The following NBPF9 variants were observed in gnomAD, a reference collection of about 807,000 sequenced individuals.
NBPF9 encodes the protein NBPF family member NBPF9.
A neutral mutation model predicts 97.8 loss-of-function variants in NBPF9; 91 were observed. That is an observed-to-expected ratio of 0.93 (90% CI 0.79 to 1.11). NBPF9 has a LOEUF of 1.11. Ranked by LOEUF, NBPF9 falls within the 50% of genes least tolerant of loss-of-function variation. NBPF9 has a pLI of 0.00. For missense variants in NBPF9, 992 were observed against 939.5 expected (o/e 1.06, Z -0.73); for synonymous variants, 334 against 359.5 (o/e 0.93, Z 0.80).
chr1:149,079,376 A>G (rs1328934370), intron 8 of NBPF9, among the ~76,000 whole-genome samples, 155 bp from the exon 9 acceptor site: 1 of 151,860 alleles, frequency 6.6e-6, no homozygotes, highest in Admixed American at 6.6e-5. Flanking sequence ...AAGAGAAAGA[A>G]TAGAAAATGG....
intron 4 of NBPF9, among the ~76,000 whole-genome samples, chr1:149,096,690 C>T (rs1352474437): frequency 3.2e-5 from 1 of 31,236 alleles, no homozygotes; most frequent in Non-Finnish European, 6.2e-5. Context: ...GGGGTGCCCC[C>T]GGAACACAGA....
chr1:149,094,868 A>G (rs2152923887), intron 4 of NBPF9, among the ~76,000 whole-genome samples: 1 of 145,172 alleles, frequency 6.9e-6, no homozygotes, highest in South Asian at 2.2e-4. Context: ...GGGGACAGCA[A>G]GTGGGAGGAG....
chr1:149,080,656 A>G (rs1451160540), intron 7 of NBPF9, among the ~76,000 whole-genome samples: 2 of 150,354 alleles, frequency 1.3e-5, no homozygotes, highest in African/African-American at 4.9e-5. Flanking sequence ...TTTAAGAATC[A>G]TATCTGAAGC....
rs1202230069 is a variant in NBPF9, at chr1:149,103,402, G to C, written c.-944C>G. On this transcript the variant is annotated 5_prime_UTR_variant, in exon 1 of 30. Coordinates refer to ENST00000584027, the Ensembl canonical transcript of NBPF9. ...CCGCTCCTGGCGCCACAGGTCGCCC[G>C]TCCCGCGTTCCCAAAAGCACCGCGT... 1.3e-4 allele frequency: 20 copies of C among 152,236 alleles called. 1 individual carries two copies. Among genetic ancestry groups the C allele is most frequent in the Admixed American group, 1.3e-3 (20 of 15,284 alleles). 9.4% of individuals were successfully genotyped at this position (152,236 alleles called of 1,614,324 possible). A position where few individuals can be genotyped will look rare whatever the true frequency, so the allele number is the denominator to read the frequency against.
At chr1:149,075,126 G>C (rs1404453007) in intron 12 of NBPF9, among the ~76,000 whole-genome samples, 10 of 151,476 alleles carry the variant, frequency 6.6e-5, no homozygotes, top group Non-Finnish European at 1.2e-4. Context: ...CCCTGCTCTT[G>C]ATGCTGTCAT....
In NBPF9 at chr1:149,077,189, C is replaced by A. The variant is rs587745030; in HGVS notation, c.778+19G>T. The A allele has an allele frequency of 7.4e-7, 1 of 1,343,732 alleles. No homozygotes were observed. The highest frequency in any genetic ancestry group is 1.1e-6 in the Non-Finnish European group (1 of 938,596). The allele number at this position is 1,343,732 out of a possible 1,614,324, so 83.2% of individuals were successfully genotyped here. ...ATAGCCTAGACAGAGGTATGAGACA[C>A]AAGGAAAATAGAGGCTACCTGGGAG... On this transcript the variant is annotated intron_variant, in intron 11 of 29. Coordinates refer to ENST00000584027, the Ensembl canonical transcript of NBPF9.
chr1:149,102,976 C>T (rs192269764), intron 1 of NBPF9, 129 bp from the exon 2 acceptor site: 4 of 151,560 alleles, frequency 2.6e-5, no homozygotes, highest in Admixed American at 6.6e-5. Context: ...GGGTGGGGTG[C>T]GGGGTCAGGG....
intron 24 of NBPF9, 95 bp downstream of exon 24, chr1:149,060,428 A>T (rs1575823242): frequency 2.8e-6 from 1 of 359,844 alleles, no homozygotes; most frequent in African/African-American, 3.3e-5. Flanking sequence ...TGGCAATGAC[A>T]TCTCTCAGCT....
exon 16 of NBPF9, chr1:149,071,101 T>A (rs782089657): frequency 6.2e-7 from 1 of 1,607,266 alleles, no homozygotes; most frequent in East Asian, 2.2e-5. Flanking sequence ...CTCCAGTGAG[T>A]CCTCAGGGAC....
rs782306974 is a variant in NBPF9 at position 149,072,735 on chromosome 1, A to T, written c.1289T>A (p.Val430Asp). 1,091 of 1,611,416 alleles carry T rather than the reference A, an allele frequency of 6.8e-4. 1 individual carries two copies. The highest frequency in any genetic ancestry group is 8.8e-4 in the Non-Finnish European group (1,033 of 1,179,658). The change falls in exon 14 of 30, where the codon GTC becomes GAC. Residue 430 changes from valine (V) to aspartate (D), a missense_variant. Transcript: ENST00000584027. ...CACCTTACCTGGGCTGAGCTTTTGG[A>T]CAAGGTGCTGTGCCAGTCTACACCC...
exon 15 of NBPF9, chr1:149,071,653 C>T (rs1553652947): frequency 3.0e-6 from 4 of 1,315,038 alleles, no homozygotes; most frequent in Admixed American, 1.8e-5. Context: ...ATTTGAACAT[C>T]TTCATCGTCA....
At chr1:149,065,651 T>G in exon 18 of NBPF9, 1 of 1,603,636 alleles carries the variant, frequency 6.2e-7, no homozygotes, top group Non-Finnish European at 8.5e-7. Context: ...ATCCCAGGAC[T>G]CCTGGGGGAC....
At chr1:149,059,041 T>A in exon 26 of NBPF9, 1 of 421,240 alleles carries the variant, frequency 2.4e-6, no homozygotes, top group Non-Finnish European at 4.2e-6. Context: ...ATAACATCTA[T>A]CCAGTGAGTC....
chr1:149,081,477 C>T (rs1379998387), intron 7 of NBPF9, among the ~76,000 whole-genome samples: 22 of 151,144 alleles, frequency 1.5e-4, no homozygotes, highest in Non-Finnish European at 3.0e-4. Context: ...TAGGAGCAGA[C>T]TCCTCTTGAA....
At chr1:149,100,582 A>G (rs587711817) in intron 3 of NBPF9, among the ~76,000 whole-genome samples, 1,682 of 150,530 alleles carry the variant, frequency 0.011, no homozygotes, top group African/African-American at 0.038. Flanking sequence ...GTGCAGAAGG[A>G]AAAGGATAGT....
chr1:149,062,057 G>A (rs1230970841), intron 22 of NBPF9, 36 bp downstream of exon 22: 2 of 845,418 alleles, frequency 2.4e-6, no homozygotes, highest in African/African-American at 4.2e-5. Context: ...TGGAAGACCA[G>A]GTGGAGGCTT....
At chr1:149,071,973 T>C (rs2152892877) in intron 14 of NBPF9, among the ~76,000 whole-genome samples, 1 of 148,832 alleles carries the variant, frequency 6.7e-6, no homozygotes, top group Non-Finnish European at 1.5e-5. Flanking sequence ...GTCTCCCCCA[T>C]CCTGCCAGAT....
intron 5 of NBPF9, among the ~76,000 whole-genome samples, chr1:149,086,278 GAAA>G (rs55648416): frequency 6.7e-6 from 1 of 150,260 alleles, no homozygotes. Flanking sequence ...ATATTAAGAG[GAAA>G]AAAAAAAAAA....
exon 9 of NBPF9, chr1:149,079,090 T>C: frequency 2.3e-6 from 3 of 1,327,384 alleles, no homozygotes; most frequent in Non-Finnish European, 3.2e-6. Flanking sequence ...CTGGGACTTG[T>C]CCGGCTCATC....
Sources: allele counts gnomAD v4.1 joint callset (sites outside exome capture counted in the v4.1 genomes callset), GRCh38; gene constraint gnomAD v4.1.1; transcripts MANE v1.5; gene names NCBI Gene and HGNC (gene_info 2026-07-23, HGNC 2026-07-21).